Variants in VWA8 observed in about 807,000 individuals in gnomAD.
VWA8 encodes the protein von Willebrand factor A domain-containing protein 8.
In VWA8, 221 loss-of-function variants were observed where a neutral mutation model predicts 241.5. That is an observed-to-expected ratio of 0.91 (90% CI 0.82 to 1.02). The LOEUF (loss-of-function observed/expected upper bound fraction) is 1.02, where lower values mean the gene tolerates loss of function less well. VWA8 is among the 50% of genes least tolerant of loss of function. The pLI, the probability that VWA8 is intolerant of heterozygous loss-of-function variation, is 0.00. For missense variants in VWA8, 2,322 were observed against 2,328.7 expected, an observed-to-expected ratio of 1.00 and a Z score of 0.06; for synonymous variants, 852 against 827.1, an observed-to-expected ratio of 1.03 and a Z score of -0.52.
intron 29 of VWA8, among the ~76,000 whole-genome samples, chr13:41,697,991 T>C (rs2137823855): frequency 6.6e-6 from 1 of 152,294 alleles, no homozygotes; most frequent in Non-Finnish European, 1.5e-5. Context: ...TGTCTAGAAC[T>C]CTCTTCTTCC....
At chr13:41,708,488 C>T (rs553322444) in intron 26 of VWA8, among the ~76,000 whole-genome samples, 1 of 152,262 alleles carries the variant, frequency 6.6e-6, no homozygotes, top group South Asian at 2.1e-4. Flanking sequence ...GTAATATCTT[C>T]CTTTATTTGC....
intron 2 of VWA8, among the ~76,000 whole-genome samples, chr13:41,913,301 T>A (rs1876097969): frequency 6.6e-6 from 1 of 152,222 alleles, no homozygotes; most frequent in South Asian, 2.1e-4. Context: ...GGAGTGGCCA[T>A]GGAATCAAAG....
chr13:41,848,868 T>C (rs894573784), intron 12 of VWA8, among the ~76,000 whole-genome samples: 4 of 152,198 alleles, frequency 2.6e-5, no homozygotes, highest in Non-Finnish European at 5.9e-5. Context: ...AGGGAGCTAC[T>C]AGAAATAAAC....
intron 2 of VWA8, among the ~76,000 whole-genome samples, chr13:41,931,105 C>T (rs888802472): frequency 6.7e-6 from 1 of 148,302 alleles, no homozygotes; most frequent in Non-Finnish European, 1.5e-5. Flanking sequence ...GCCGAGATTG[C>T]GCCACTGCAC....
chr13:41,911,037 C>T (rs546780123), intron 3 of VWA8, among the ~76,000 whole-genome samples: 1 of 150,754 alleles, frequency 6.6e-6, no homozygotes, highest in Admixed American at 6.6e-5. Flanking sequence ...GACAAAATAG[C>T]GGAAAACATT....
intron 40 of VWA8, among the ~76,000 whole-genome samples, chr13:41,602,825 AGCACCTAGTAGAAT>A (rs1376248645): frequency 1.3e-5 from 2 of 152,006 alleles, no homozygotes; most frequent in African/African-American, 4.8e-5. Context: ...GACGATGTAA[AGCACCTAGTAGAAT>A]GCCTGGTGCA....
intron 36 of VWA8, among the ~76,000 whole-genome samples, chr13:41,671,522 T>A (rs969997741): frequency 6.6e-6 from 1 of 152,242 alleles, no homozygotes; most frequent in African/African-American, 2.4e-5. Context: ...GAATTTGCTA[T>A]GGACTAAATG....
intron 12 of VWA8, among the ~76,000 whole-genome samples, chr13:41,848,047 A>C (rs1441141899): frequency 6.6e-6 from 1 of 152,176 alleles, no homozygotes; most frequent in Non-Finnish European, 1.5e-5. Flanking sequence ...GATCCTGCAA[A>C]AAACAAATGA....
At chr13:41,601,823 C>T (rs907740566) in intron 40 of VWA8, among the ~76,000 whole-genome samples, 11 of 152,260 alleles carry the variant, frequency 7.2e-5, no homozygotes, top group African/African-American at 2.6e-4. Context: ...GTGGCAACAG[C>T]ATTTCCTGCT....
rs558151527 is a variant in VWA8 at position 41,771,411 on chromosome 13, C to A, written c.2349+6574G>T. Among the ~76,000 whole-genome samples the A allele has an allele frequency of 1.6e-4, 25 of 152,198 alleles. No individual in the cohort carries two copies. The East Asian group carries it at 4.1e-3, about 25-fold the overall frequency. On this transcript the variant is annotated intron_variant, in intron 20 of 44. Transcript: ENST00000379310. ...GGGCTGGGATTACAGGCGTGAGCCA[C>A]CTCGCCCAGCCTAAAAAATAATTCT... is the stretch of plus-strand genomic sequence containing the variant.
intron 42 of VWA8, among the ~76,000 whole-genome samples, chr13:41,576,058 A>G (rs1202676946): frequency 6.6e-6 from 1 of 152,224 alleles, no homozygotes; most frequent in Non-Finnish European, 1.5e-5. Flanking sequence ...AGTCAAGTGC[A>G]ACCTTTTCAC....
chr13:41,919,933 C>G (rs934847398), intron 2 of VWA8, among the ~76,000 whole-genome samples: 5 of 152,176 alleles, frequency 3.3e-5, no homozygotes. Flanking sequence ...AGCTGTGCCT[C>G]TGCCCTACAG....
rs767135880 is a variant in VWA8, at chr13:41,863,454, T to TATATATATATATATATA, written c.1425+2281_1425+2282insTATATATATATATATAT. Among the ~76,000 whole-genome samples, 34 of 94,772 alleles carry TATATATATATATATATA rather than the reference T, an allele frequency of 3.6e-4. 1 individual carries two copies. Among genetic ancestry groups the TATATATATATATATATA allele is most frequent in the East Asian group, 9.6e-4 (3 of 3,140 alleles). The allele number at this position is 94,772 out of a possible 152,430, so 62.2% of individuals were successfully genotyped here. ...GTGTGTATATATATATATATATATA[T>TATATATATATATATATA]TCACACACACACACACACTATATAT... On this transcript the variant is annotated intron_variant, in intron 12 of 44. Transcript: ENST00000379310.
intron 17 of VWA8, among the ~76,000 whole-genome samples, chr13:41,806,001 T>TAAAAA (rs60826821): frequency 1.7e-5 from 2 of 118,884 alleles, no homozygotes; most frequent in Non-Finnish European, 3.7e-5. Flanking sequence ...AATTCAAAAA[T>TAAAAA]AAAAAAAAAA....
At position 41,615,039 on chromosome 13, in the gene VWA8, G is replaced by C; in HGVS notation, c.4657C>G (p.His1553Asp). Reference protein sequence around the residue: ...DSGEDVSSPKHGKEDPDNMPH... With the variant: ...DSGEDVSSPKDGKEDPDNMPH... ...ATGTTGTCTGGGTCCTCCTTCCCGT[G>C]TTTGGGGGAGCTTACATCTTCACCA... The change falls in exon 38 of 45, where the codon CAC becomes GAC. Residue 1553 changes from histidine to aspartate, a missense_variant. Coordinates refer to ENST00000379310, the MANE Select transcript of VWA8 (RefSeq NM_015058.2). 1 of 1,613,954 alleles carries C rather than the reference G, an allele frequency of 6.2e-7. No homozygotes were observed. The highest frequency in any genetic ancestry group is 8.5e-7 in the Non-Finnish European group (1 of 1,179,952).
intron 14 of VWA8, among the ~76,000 whole-genome samples, chr13:41,822,394 T>C (rs1870997707): frequency 6.6e-6 from 1 of 152,158 alleles, no homozygotes; most frequent in South Asian, 2.1e-4. Context: ...GTTATACAGT[T>C]CTGTACACAG....
intron 37 of VWA8, among the ~76,000 whole-genome samples, chr13:41,665,433 T>C (rs2044979479): frequency 1.3e-5 from 2 of 152,132 alleles, no homozygotes; most frequent in African/African-American, 4.8e-5. Flanking sequence ...TTTCATGCTC[T>C]TAAATAATAA....
chr13:41,857,218 C>A (rs578028893), intron 12 of VWA8, among the ~76,000 whole-genome samples: 2 of 152,068 alleles, frequency 1.3e-5, no homozygotes, highest in Non-Finnish European at 2.9e-5. Context: ...GATAAGATTT[C>A]TTCATTATAT....
chr13:41,913,217 T>C (rs1023314535), intron 2 of VWA8, among the ~76,000 whole-genome samples: 6 of 152,158 alleles, frequency 3.9e-5, no homozygotes, highest in African/African-American at 1.4e-4. Context: ...GATATATATG[T>C]GATAAAACAG....
Sources: allele counts gnomAD v4.1 joint callset (sites outside exome capture counted in the v4.1 genomes callset), GRCh38; gene constraint gnomAD v4.1.1; transcripts MANE v1.5; gene names NCBI Gene and HGNC (gene_info 2026-07-23, HGNC 2026-07-21).